SLC11A2: variants seen among roughly 807,000 people sequenced by gnomAD.
The protein encoded by SLC11A2 is natural resistance-associated macrophage protein 2.
Under a neutral mutation model 68.0 loss-of-function variants are expected in SLC11A2, and 38 were observed. The observed-to-expected ratio is 0.56, with a 90% CI of 0.43 to 0.73. The LOEUF (loss-of-function observed/expected upper bound fraction) is 0.73, where lower values mean the gene tolerates loss of function less well. Ranked by LOEUF, SLC11A2 falls within the 30% of genes least tolerant of loss-of-function variation. SLC11A2 has a pLI of 0.00. For synonymous variants in SLC11A2, 242 were observed against 250.6 expected (o/e 0.97, Z 0.32); for missense variants, 517 against 690.5 (o/e 0.75, Z 2.82).
At chr12:51,020,796 G>A (rs1191675394) in intron 1 of SLC11A2, among the ~76,000 whole-genome samples, 3 of 152,108 alleles carry the variant, frequency 2.0e-5, no homozygotes, top group Non-Finnish European at 4.4e-5. Context: ...TATTTACATA[G>A]CAATTACATT....
rs566990982 is a variant in SLC11A2 at position 51,004,859 on chromosome 12, G to A, written c.358C>T (p.Arg120Trp). 2.5e-5 allele frequency: 40 copies of A among 1,614,004 alleles called. 2 individuals are homozygous for A. In the South Asian group the frequency reaches 3.3e-4, roughly 13 times the overall value. The change falls in exon 5 of 16, where the codon CGG becomes TGG. Residue 120 changes from arginine to tryptophan, a missense_variant. Transcript: ENST00000262052. ...LATLVGLLLQ[R>W]LAARLGVVTG... ...ACCACTCCCAGTCTAGCTGCAAGCC[G>A]CTGGAGCAGCAGCCCCACAAGGGTG...
At chr12:50,961,329 T>C in the SLC11A2 span, among the ~76,000 whole-genome samples, 1 of 152,132 alleles carries the variant, frequency 6.6e-6, no homozygotes, top group Non-Finnish European at 1.5e-5. Context: ...ACTAGGGCAA[T>C]GGGCTGTTCT....
the SLC11A2 span, chr12:50,953,981 T>C: frequency 2.7e-6 from 4 of 1,480,490 alleles, no homozygotes; most frequent in Non-Finnish European, 3.8e-6. Flanking sequence ...TTATATCCTA[T>C]TGTTACTAGA....
At position 50,988,086 on chromosome 12, in the gene SLC11A2, T is replaced by C; in HGVS notation, c.*239A>G. 4 of 1,452,940 alleles carry C rather than the reference T, an allele frequency of 2.8e-6. No homozygotes were observed. The highest frequency in any genetic ancestry group is 3.7e-6 in the Non-Finnish European group (4 of 1,095,548). 90.0% of individuals were successfully genotyped at this position (1,452,940 alleles called of 1,614,324 possible). ...ACTACTTAAGAATTTAGTGTTGGAA[T>C]GATAGCAGCAAATGTCAGCTTTTCA... On this transcript the variant is annotated 3_prime_UTR_variant, in exon 16 of 16. Transcript: ENST00000262052.
intron 1 of SLC11A2, among the ~76,000 whole-genome samples, chr12:51,022,410 T>TC (rs1944106301): frequency 8.0e-6 from 1 of 124,460 alleles, no homozygotes; most frequent in African/African-American, 3.1e-5. Flanking sequence ...CCAGTCTCCA[T>TC]TAAAAAAAAA....
the SLC11A2 span, chr12:50,960,839 T>C: frequency 2.7e-6 from 2 of 728,020 alleles, no homozygotes; most frequent in East Asian, 2.8e-5. Flanking sequence ...TGTATCACCA[T>C]GTGTGGCTAA....
Position 51,006,126 on chromosome 12 carries a change from C to A in SLC11A2, c.184-690G>T, listed in dbSNP as rs12305773. The A allele has an allele frequency of 3.2e-3, 558 of 172,442 alleles. 6 individuals are homozygous for A. The highest frequency in any genetic ancestry group is 0.013 in the African/African-American group (531 of 41,716). 10.7% of individuals were successfully genotyped at this position (172,442 alleles called of 1,614,324 possible). Reference sequence around the variant, plus strand: ...CTGACCAACACTTTAGTAGAGAAACCCTGTCTCTACTAAAAATACAAAAAC... The same window carrying A: ...CTGACCAACACTTTAGTAGAGAAACACTGTCTCTACTAAAAATACAAAAAC... On this transcript the variant is annotated intron_variant, in intron 3 of 15. Transcript: ENST00000262052.
At chr12:51,028,471 T>C (rs778659678), upstream of SLC11A2, 10 of 420,534 alleles carry the variant, frequency 2.4e-5, no homozygotes, top group Non-Finnish European at 3.8e-5. Flanking sequence ...TAACAATTTA[T>C]TGAGTTCAAA....
At chr12:51,003,649 T>C (rs1183286439) in intron 5 of SLC11A2, among the ~76,000 whole-genome samples, 1 of 150,588 alleles carries the variant, frequency 6.6e-6, no homozygotes, top group Non-Finnish European at 1.5e-5. Flanking sequence ...GAAGCTAGGC[T>C]TGGTGCAGTG....
At chr12:50,955,341 G>T in the SLC11A2 span, among the ~76,000 whole-genome samples, 1 of 152,122 alleles carries the variant, frequency 6.6e-6, no homozygotes, top group Non-Finnish European at 1.5e-5. Context: ...CACATATTTA[G>T]TATGTTTACA....
chr12:51,007,937 C>T (rs1247048030), intron 3 of SLC11A2, among the ~76,000 whole-genome samples: 1 of 152,124 alleles, frequency 6.6e-6, no homozygotes, highest in Non-Finnish European at 1.5e-5. Context: ...CTGGGCTCAG[C>T]CAGAGTTTGA....
At chr12:51,019,137 T>G (rs1566039147) in intron 1 of SLC11A2, among the ~76,000 whole-genome samples, 1 of 152,220 alleles carries the variant, frequency 6.6e-6, no homozygotes, top group Non-Finnish European at 1.5e-5. Context: ...AGTTCATTCT[T>G]CCTCAGGCAC....
At chr12:50,981,124 G>GT (rs1939998414), downstream of SLC11A2, 1 of 152,070 alleles carries the variant, frequency 6.6e-6, no homozygotes, top group Admixed American at 6.6e-5. Context: ...CAGAAGAAAT[G>GT]TTTTTTTAAG....
At chr12:50,961,145 A>T in the SLC11A2 span, 1 of 1,594,748 alleles carries the variant, frequency 6.3e-7, no homozygotes, top group Admixed American at 1.7e-5. Context: ...TGTCTTTGAG[A>T]GTACATTTAT....
rs73300044 is a variant in SLC11A2, at chr12:51,022,694, A to G, written c.-39+3616T>C. On this transcript the variant is annotated intron_variant, in intron 1 of 15. Transcript: ENST00000262052. ...GCAAAGAAAAATTAAGACAATATAT[A>G]CTACAAGATTCTCCAGCCTTTAACA... Among the ~76,000 whole-genome samples the G allele has an allele frequency of 7.1e-3, 1,075 of 152,322 alleles. 20 individuals carry two copies. Among genetic ancestry groups the G allele is most frequent in the African/African-American group, 0.024 (1,001 of 41,574 alleles).
chr12:51,008,235 T>TAGATAGAC (rs1255504094), intron 3 of SLC11A2: 7 of 342,562 alleles, frequency 2.0e-5, no homozygotes, highest in African/African-American at 1.8e-4. Flanking sequence ...GATAGATAGA[T>TAGATAGAC]AGATAGATAG....
At chr12:51,000,218 A>C in intron 6 of SLC11A2, 95 bp downstream of exon 6, 1 of 862,998 alleles carries the variant, frequency 1.2e-6, no homozygotes, top group Admixed American at 1.9e-5. Context: ...AATTGAGTTG[A>C]GTCTTCAAAA....
intron 1 of SLC11A2, among the ~76,000 whole-genome samples, chr12:51,014,742 A>G (rs897953938): frequency 2.6e-5 from 4 of 151,960 alleles, no homozygotes; most frequent in South Asian, 2.1e-4. Flanking sequence ...AATTCCAACT[A>G]CTAGGGTGGC....
At chr12:51,012,349 TA>T (rs11383719) in intron 1 of SLC11A2, among the ~76,000 whole-genome samples, 60 of 145,058 alleles carry the variant, frequency 4.1e-4, no homozygotes, top group East Asian at 3.4e-3. Flanking sequence ...ATAAGGCTAT[TA>T]AAAAAAAAAT....
Sources: gnomAD v4.1 joint callset for allele counts (sites outside exome capture counted in the v4.1 genomes callset) on GRCh38, gnomAD v4.1.1 for gene constraint, MANE v1.5 for transcripts, NCBI Gene and HGNC (gene_info 2026-07-23, HGNC 2026-07-21) for gene names.